SPDEF: variants seen among roughly 807,000 people sequenced by gnomAD.
The protein encoded by SPDEF is SAM pointed domain containing ETS transcription factor, also known as SAM pointed domain-containing Ets transcription factor.
A neutral mutation model predicts 36.0 loss-of-function variants in SPDEF; 12 were observed. The observed-to-expected ratio is 0.33, with a 90% CI of 0.21 to 0.54. The LOEUF (loss-of-function observed/expected upper bound fraction) is 0.54. Among genes scored for constraint, SPDEF ranks in the 20% least tolerant of loss-of-function variants. SPDEF has a pLI of 0.93. For missense variants in SPDEF, 388 were observed against 456.9 expected (o/e 0.85, Z 1.37); for synonymous variants, 205 against 193.0 (o/e 1.06, Z -0.51).
Position 34,544,442 on chromosome 6 carries a change from C to A in SPDEF, c.14G>T (p.Ser5Ile). The A allele has an allele frequency of 1.3e-6, 2 of 1,555,468 alleles. No individual in the cohort carries two copies. Among genetic ancestry groups the A allele is most frequent in the African/African-American group, 1.4e-5 (1 of 73,694 alleles). The change falls in exon 2 of 6, where the codon AGC becomes ATC. Residue 5 changes from serine to isoleucine, a missense_variant. Transcript: ENST00000374037. The surrounding 1 kb of genome is among the most constrained non-coding windows in gnomAD (Gnocchi z 4.4). The stretch of plus-strand genomic sequence containing the variant: ...GGGGGATACGCTGCTCAGACCCGGG[C>A]TGGCGCTGCCCATGCCGCTGCTGTT... Reference protein sequence around the residue: MGSASPGLSSVSPSH... With the variant: MGSAIPGLSSVSPSH...
At chr6:34,543,239 A>G (rs868045172) in intron 2 of SPDEF, among the ~76,000 whole-genome samples, 14 of 151,886 alleles carry the variant, frequency 9.2e-5, no homozygotes, top group Middle Eastern at 3.4e-3. Flanking sequence ...AGAAAAAAAA[A>G]AGAAATGCTT....
chr6:34,542,787 G>A lies in SPDEF; in HGVS notation c.436+1233C>T, dbSNP rs1767850775. On this transcript the variant is annotated intron_variant, in intron 2 of 5. Transcript: ENST00000374037. ...CACCTGTAATCCCAGCTTCTCAGGA[G>A]GCTGAGGCAGGAGAATCGCTTGAAC... is the stretch of plus-strand genomic sequence containing the variant. Among the ~76,000 whole-genome samples, 3 of 151,748 alleles carry A rather than the reference G, an allele frequency of 2.0e-5. No individual in the cohort carries two copies. The South Asian group carries it at 6.3e-4, about 32-fold the overall frequency.
At chr6:34,543,195 C>CAAA (rs56021909) in intron 2 of SPDEF, among the ~76,000 whole-genome samples, 171 of 69,110 alleles carry the variant, frequency 2.5e-3, no homozygotes, top group East Asian at 6.5e-3. Context: ...GACTCCATCT[C>CAAA]AAAAAAAAAA....
chr6:34,543,425 T>C (rs910843988), intron 2 of SPDEF, among the ~76,000 whole-genome samples: 2 of 150,550 alleles, frequency 1.3e-5, no homozygotes, highest in Non-Finnish European at 3.0e-5. Flanking sequence ...GTCCGAGGAG[T>C]GTAAGTGCTA....
chr6:34,551,306 A>T (rs930187379), intron 1 of SPDEF, among the ~76,000 whole-genome samples: 12 of 152,210 alleles, frequency 7.9e-5, no homozygotes, highest in African/African-American at 2.9e-4. Context: ...ACAGAGGCCC[A>T]CCGCAGCCCC....
chr6:34,543,589 G>A (rs1290511942), intron 2 of SPDEF, among the ~76,000 whole-genome samples: 1 of 152,186 alleles, frequency 6.6e-6, no homozygotes, highest in African/African-American at 2.4e-5. Flanking sequence ...TCATGCGGAT[G>A]GTGCCATCTG....
chr6:34,543,968 C>T, intron 2 of SPDEF, 52 bp downstream of exon 2: 1 of 1,573,112 alleles, frequency 6.4e-7, no homozygotes, highest in Admixed American at 2.0e-5. Flanking sequence ...CCAGCGACCT[C>T]AGCCTTGCCT....
intron 2 of SPDEF, among the ~76,000 whole-genome samples, chr6:34,543,195 C>CAAAAAAAAAA (rs56021909): frequency 1.4e-5 from 1 of 69,140 alleles, no homozygotes; most frequent in Non-Finnish European, 2.4e-5. Flanking sequence ...GACTCCATCT[C>CAAAAAAAAAA]AAAAAAAAAA....
chr6:34,549,944 G>A (rs1582005119), intron 1 of SPDEF, among the ~76,000 whole-genome samples: 1 of 152,196 alleles, frequency 6.6e-6, no homozygotes, highest in African/African-American at 2.4e-5. Flanking sequence ...CCAAGTCCCT[G>A]GGTCCCCTTA....
intron 1 of SPDEF, among the ~76,000 whole-genome samples, chr6:34,551,316 C>T (rs1768057775): frequency 6.6e-6 from 1 of 152,210 alleles, no homozygotes; most frequent in African/African-American, 2.4e-5. Context: ...ACCGCAGCCC[C>T]AAGTGGACCA....
chr6:34,541,590 G>A (rs1300224586), intron 2 of SPDEF, among the ~76,000 whole-genome samples: 1 of 152,200 alleles, frequency 6.6e-6, no homozygotes, highest in Non-Finnish European at 1.5e-5. Context: ...CAAGGAACCA[G>A]AGAAACACCT....
chr6:34,550,588 C>G (rs1045897685), intron 1 of SPDEF, among the ~76,000 whole-genome samples: 1 of 152,218 alleles, frequency 6.6e-6, no homozygotes, highest in African/African-American at 2.4e-5. Context: ...GATCTCCGGG[C>G]TTTCCCCACC....
intron 1 of SPDEF, among the ~76,000 whole-genome samples, chr6:34,550,095 C>T (rs572459448): frequency 1.3e-5 from 2 of 152,322 alleles, no homozygotes; most frequent in African/African-American, 4.8e-5. Flanking sequence ...AAGTCCCAGC[C>T]AAAGCCATGA....
In SPDEF at chr6:34,539,443, C is replaced by T; in HGVS notation, c.683-47G>A. The stretch of plus-strand genomic sequence containing the variant: ...CGGTGAGTGGGAATGGGAGGCCAGT[C>T]CCGGCTTCATTGGCAGCCACCCCTC... On this transcript the variant is annotated intron_variant, in intron 4 of 5. Transcript: ENST00000374037. The surrounding 1 kb of genome is among the most constrained non-coding windows in gnomAD (Gnocchi z 5.2). 6.2e-7 allele frequency: 1 copy of T among 1,611,720 alleles called. No homozygotes were observed. The highest frequency in any genetic ancestry group is 1.7e-5 in the Admixed American group (1 of 60,016).
chr6:34,547,582 G>C (rs1350641521), intron 1 of SPDEF, among the ~76,000 whole-genome samples: 1 of 152,028 alleles, frequency 6.6e-6, no homozygotes, highest in African/African-American at 2.4e-5. Flanking sequence ...GCCCAGGCTG[G>C]TCTCGAACTC....
chr6:34,540,929 C>T, intron 3 of SPDEF, 55 bp downstream of exon 3: 4 of 1,551,676 alleles, frequency 2.6e-6, no homozygotes, highest in Non-Finnish European at 3.5e-6. Flanking sequence ...TAGCCAGCAT[C>T]CTGTCCCTGG....
rs1406761002 is a variant in SPDEF, at chr6:34,552,596, G to A, written c.-30+3333C>T. Among the ~76,000 whole-genome samples, 1 of 152,200 alleles carries A rather than the reference G, an allele frequency of 6.6e-6. No individual in the cohort carries two copies. The highest frequency in any genetic ancestry group is 1.5e-5 in the Non-Finnish European group (1 of 68,050). ...GAAGGCAGAGGCCCTCCACACACCT[G>A]GTTGTTGGTCTGTAAAATCTTGATG... On this transcript the variant is annotated intron_variant, in intron 1 of 5. Coordinates refer to ENST00000374037, the MANE Select transcript of SPDEF (RefSeq NM_012391.3). The surrounding 1 kb of genome is among the most constrained non-coding windows in gnomAD (Gnocchi z 4.6).
At position 34,552,647 on chromosome 6, in the gene SPDEF, G is replaced by A. The variant is rs771955722; in HGVS notation, c.-30+3282C>T. 2.4e-4 allele frequency among the ~76,000 whole-genome samples: 37 copies of A among 152,296 alleles called. No homozygotes were observed. The highest frequency in any genetic ancestry group is 7.5e-4 in the African/African-American group (31 of 41,552). On this transcript the variant is annotated intron_variant, in intron 1 of 5. Coordinates refer to ENST00000374037, the MANE Select transcript of SPDEF (RefSeq NM_012391.3). This position sits in a 1 kb window ranked among gnomAD's most constrained non-coding sequence, Gnocchi z 4.6. ...GGCTGAAGGGAAAAAACATTCCTGCGCCCTGATCCTCAGGCCCTGGAGCAC... is the reference window on the plus strand; with the variant it reads ...GGCTGAAGGGAAAAAACATTCCTGCACCCTGATCCTCAGGCCCTGGAGCAC...
chr6:34,550,494 G>A (rs73407795), intron 1 of SPDEF, among the ~76,000 whole-genome samples: 12,791 of 152,290 alleles, frequency 0.084, 670 homozygotes, highest in African/African-American at 0.14. Flanking sequence ...TCCAAGGGCA[G>A]AAGAAGAGAG....
Sources: allele counts gnomAD v4.1 joint callset (sites outside exome capture counted in the v4.1 genomes callset), GRCh38; gene constraint gnomAD v4.1.1; non-coding constraint Gnocchi (gnomAD v3.1); transcripts MANE v1.5; gene names NCBI Gene and HGNC (gene_info 2026-07-23, HGNC 2026-07-21).